The following GHR variants were observed in gnomAD, a reference collection of about 807,000 sequenced individuals.
The protein encoded by GHR is GH receptor.
In GHR, 35 loss-of-function variants were observed where a neutral mutation model predicts 67.1. The observed-to-expected ratio is 0.52, with a 90% CI of 0.40 to 0.69. GHR has a LOEUF of 0.69. Among genes scored for constraint, GHR ranks in the 30% least tolerant of loss-of-function variants. The pLI is 0.00. For missense variants in GHR, 792 were observed against 764.6 expected, an observed-to-expected ratio of 1.04 and a Z score of -0.42; for synonymous variants, 272 against 269.1, an observed-to-expected ratio of 1.01 and a Z score of -0.10.
At chr5:42,441,941 G>A (rs1299323125) in intron 1 of GHR, among the ~76,000 whole-genome samples, 1 of 152,194 alleles carries the variant, frequency 6.6e-6, no homozygotes, top group African/African-American at 2.4e-5. Flanking sequence ...TTCCTGAGAA[G>A]ATAGAAGAAG....
chr5:42,470,280 A>G (rs1011399643), intron 1 of GHR, among the ~76,000 whole-genome samples: 7 of 145,694 alleles, frequency 4.8e-5, no homozygotes, highest in Admixed American at 2.8e-4. Context: ...TATATAGTAA[A>G]TATATGGGGT....
chr5:42,642,974 T>C (rs914215248), intron 3 of GHR, among the ~76,000 whole-genome samples: 3 of 152,208 alleles, frequency 2.0e-5, no homozygotes, highest in African/African-American at 7.2e-5. Flanking sequence ...TAAGGACACC[T>C]ATCACTGAAT....
chr5:42,558,426 G>A (rs570716633), intron 1 of GHR, among the ~76,000 whole-genome samples: 2 of 152,280 alleles, frequency 1.3e-5, no homozygotes, highest in South Asian at 4.1e-4. Context: ...ACCATAAAAT[G>A]TATATACGAA....
At chr5:42,534,476 A>G (rs946500817) in intron 1 of GHR, among the ~76,000 whole-genome samples, 1 of 148,136 alleles carries the variant, frequency 6.8e-6, no homozygotes, top group Admixed American at 6.8e-5. Flanking sequence ...GTACATATGT[A>G]TATGTGTATA....
intron 3 of GHR, among the ~76,000 whole-genome samples, chr5:42,681,935 C>CAAAAAAA (rs11443605): frequency 2.5e-5 from 2 of 79,528 alleles, no homozygotes; most frequent in African/African-American, 1.1e-4. Flanking sequence ...GACTCCGTCT[C>CAAAAAAA]AAAAAAAAAA....
At chr5:42,538,712 A>T (rs1207694431) in intron 1 of GHR, among the ~76,000 whole-genome samples, 3 of 152,054 alleles carry the variant, frequency 2.0e-5, no homozygotes, top group Non-Finnish European at 4.4e-5. Flanking sequence ...TTATATTTAG[A>T]TATCTAGGTC....
At chr5:42,549,392 G>A (rs1240165499) in intron 1 of GHR, among the ~76,000 whole-genome samples, 2 of 152,178 alleles carry the variant, frequency 1.3e-5, no homozygotes, top group Non-Finnish European at 2.9e-5. Context: ...ATATAAAGAT[G>A]AGCCACAGGA....
intron 3 of GHR, among the ~76,000 whole-genome samples, chr5:42,668,597 A>T (rs963091081): frequency 6.6e-6 from 1 of 152,174 alleles, no homozygotes; most frequent in Non-Finnish European, 1.5e-5. Flanking sequence ...AAAATAAAAA[A>T]TTAAAAACAT....
At chr5:42,570,985 C>G (rs187074054) in intron 2 of GHR, among the ~76,000 whole-genome samples, 3 of 152,258 alleles carry the variant, frequency 2.0e-5, no homozygotes, top group Admixed American at 2.0e-4. Flanking sequence ...GTTAAGAAGA[C>G]AGAATTACCA....
chr5:42,467,976 G>T, intron 1 of GHR: 1 of 718,106 alleles, frequency 1.4e-6, no homozygotes, highest in Non-Finnish European at 2.4e-6. Context: ...CTTATTCTCT[G>T]CCTCTTTAAC....
chr5:42,463,496 C>T (rs1332206978), intron 1 of GHR, among the ~76,000 whole-genome samples: 1 of 152,048 alleles, frequency 6.6e-6, no homozygotes, highest in African/African-American at 2.4e-5. Context: ...TTTTTTTGTA[C>T]TAAAATTTGC....
chr5:42,655,667 CAT>C (rs1241881608), intron 3 of GHR, among the ~76,000 whole-genome samples: 3 of 152,058 alleles, frequency 2.0e-5, no homozygotes, highest in Admixed American at 1.3e-4. Flanking sequence ...CATTGTCAAA[CAT>C]AAAATATATA....
At chr5:42,644,563 A>G (rs905773531) in intron 3 of GHR, among the ~76,000 whole-genome samples, 3 of 152,192 alleles carry the variant, frequency 2.0e-5, no homozygotes, top group African/African-American at 4.8e-5. Flanking sequence ...GTCTTTTGAA[A>G]CATGATGGGA....
intron 1 of GHR, among the ~76,000 whole-genome samples, chr5:42,532,230 G>C (rs1748004469): frequency 6.6e-6 from 1 of 152,116 alleles, no homozygotes; most frequent in African/African-American, 2.4e-5. Flanking sequence ...CAGCTTGAAG[G>C]AACATGGGGT....
At chr5:42,579,114 GATA>G (rs1561138651) in intron 2 of GHR, among the ~76,000 whole-genome samples, 5 of 81,372 alleles carry the variant, frequency 6.1e-5, no homozygotes, top group Admixed American at 1.1e-4. Flanking sequence ...TAGATAGATA[GATA>G]GATAGATAGA....
intron 1 of GHR, among the ~76,000 whole-genome samples, chr5:42,444,549 A>G (rs1243899781): frequency 2.0e-5 from 3 of 152,170 alleles, no homozygotes; most frequent in Non-Finnish European, 4.4e-5. Context: ...CATTTTGACA[A>G]TGCCCTCAAA....
At chr5:42,568,961 A>G (rs1354172696) in intron 2 of GHR, among the ~76,000 whole-genome samples, 2 of 152,226 alleles carry the variant, frequency 1.3e-5, no homozygotes, top group Non-Finnish European at 2.9e-5. Context: ...ATGTACACCA[A>G]GAATTACAAT....
chr5:42,514,558 T>A (rs1579850542), intron 1 of GHR, among the ~76,000 whole-genome samples: 1 of 150,606 alleles, frequency 6.6e-6, no homozygotes, highest in Admixed American at 6.6e-5. Flanking sequence ...GATGCTGGGG[T>A]TGAGAAATAG....
rs184661270 is a variant in GHR, at chr5:42,425,083, T to C, written c.-12+1128T>C. On this transcript the variant is annotated intron_variant, in intron 1 of 9. Transcript: ENST00000230882. ...TTGGGAAGTCAGAGTAGTTTCTGCATAGGATTAAGTATTAAGGGCTTTAAA... is the reference window on the plus strand; with the variant it reads ...TTGGGAAGTCAGAGTAGTTTCTGCACAGGATTAAGTATTAAGGGCTTTAAA... 1.3e-5 allele frequency: 11 copies of C among 832,664 alleles called. No homozygotes were observed. In the East Asian group the frequency reaches 6.2e-4, roughly 47 times the overall value. 51.6% of individuals were successfully genotyped at this position (832,664 alleles called of 1,614,324 possible). A position where few individuals can be genotyped will look rare whatever the true frequency, so the allele number is the denominator to read the frequency against.
Sources: allele counts gnomAD v4.1 joint callset (sites outside exome capture counted in the v4.1 genomes callset), GRCh38; gene constraint gnomAD v4.1.1; transcripts MANE v1.5; gene names NCBI Gene and HGNC (gene_info 2026-07-23, HGNC 2026-07-21).